The following CD47 variants were observed in gnomAD, a reference collection of about 807,000 sequenced individuals.
CD47 encodes CD47 molecule, also known as leukocyte surface antigen CD47.
In CD47, 11 loss-of-function variants were observed where a neutral mutation model predicts 44.6. The observed-to-expected ratio is 0.25, with a 90% CI of 0.16 to 0.41. CD47 has a LOEUF of 0.41. Ranked by LOEUF, CD47 falls within the 10% of genes least tolerant of loss-of-function variation. The pLI is 1.00. For synonymous variants in CD47, 140 were observed against 136.3 expected (o/e 1.03, Z -0.19); for missense variants, 306 against 386.7 (o/e 0.79, Z 1.75).
Position 108,045,002 on chromosome 3 carries a change from G to GA in CD47, c.*2285dup, listed in dbSNP as rs1329063956. The GA allele has an allele frequency of 6.6e-6, 1 of 152,636 alleles. No individual in the cohort carries two copies. Among genetic ancestry groups the GA allele is most frequent in the Non-Finnish European group, 1.5e-5 (1 of 68,040 alleles). 9.5% of individuals were successfully genotyped at this position (152,636 alleles called of 1,614,324 possible). A position where few individuals can be genotyped will look rare whatever the true frequency, so the allele number is the denominator to read the frequency against. On this transcript the variant is annotated 3_prime_UTR_variant, in exon 11 of 11. Transcript: ENST00000361309. ...AGCCATTACAAATCTGATTTAAAGA[G>GA]AAGGAACTGGCCCAATGATGCCCAA...
chr3:108,070,615 G>A (rs1456931387), intron 3 of CD47, among the ~76,000 whole-genome samples: 4 of 152,146 alleles, frequency 2.6e-5, no homozygotes, highest in African/African-American at 4.8e-5. Flanking sequence ...CGCAGAGGAT[G>A]ACAAAACATA....
chr3:108,071,277 GA>G (rs944701060), intron 2 of CD47, 95 bp from the exon 3 acceptor site: 37 of 577,080 alleles, frequency 6.4e-5, no homozygotes, highest in African/African-American at 5.8e-4. Context: ...TATAGAGATG[GA>G]AAAAAATTAA....
At chr3:108,089,784 A>T (rs976656887) in intron 1 of CD47, among the ~76,000 whole-genome samples, 36 of 152,180 alleles carry the variant, frequency 2.4e-4, no homozygotes, top group African/African-American at 8.7e-4. Flanking sequence ...TAATCAGTTT[A>T]AAATCGAATT....
At chr3:108,082,107 A>C (rs555010796) in intron 1 of CD47, among the ~76,000 whole-genome samples, 5 of 152,004 alleles carry the variant, frequency 3.3e-5, no homozygotes, top group African/African-American at 1.2e-4. Context: ...CAAATTATAA[A>C]GGAAGGAAAG....
chr3:108,053,856 G>C (rs1353988562), intron 7 of CD47: 2 of 152,124 alleles, frequency 1.3e-5, no homozygotes, highest in African/African-American at 2.4e-5. Context: ...AAATGGGTTG[G>C]GATGCACTAC....
At chr3:108,073,000 C>T in intron 2 of CD47, among the ~76,000 whole-genome samples, 1 of 140,632 alleles carries the variant, frequency 7.1e-6, no homozygotes, top group East Asian at 2.3e-4. Context: ...ATCACCCCAT[C>T]CCCCACTAAA....
rs758858689 is a variant in CD47 at position 108,080,006 on chromosome 3, G to A, written c.385C>T (p.Leu129=). ...LTREGETIIE[L]KYRVVSWFSP... ...GAAGTCTTACCAACACGATATTTTA[G>A]CTCGATGATCGTTTCACCTTCTCTG... Residue 129 remains leucine (L), a synonymous_variant, in exon 2 of 11, where the codon CTA becomes TTA. Coordinates refer to ENST00000361309, the MANE Select transcript of CD47 (RefSeq NM_001777.4). 6.2e-6 allele frequency: 10 copies of A among 1,606,288 alleles called. No individual in the cohort carries two copies. The South Asian group carries it at 9.9e-5, about 16-fold the overall frequency.
At chr3:108,082,863 A>C (rs1032561344) in intron 1 of CD47, among the ~76,000 whole-genome samples, 1 of 152,060 alleles carries the variant, frequency 6.6e-6, no homozygotes, top group Non-Finnish European at 1.5e-5. Flanking sequence ...ATTGACCTGG[A>C]TAAACCACAA....
At chr3:108,060,462 C>T (rs375044577) in intron 4 of CD47, among the ~76,000 whole-genome samples, 5 of 152,178 alleles carry the variant, frequency 3.3e-5, no homozygotes, top group East Asian at 1.9e-4. Context: ...GTTATGCTGC[C>T]GCAAACTAAG....
intron 4 of CD47, among the ~76,000 whole-genome samples, chr3:108,059,933 T>A (rs559924028): frequency 6.6e-6 from 1 of 152,198 alleles, no homozygotes; most frequent in African/African-American, 2.4e-5. Context: ...CAGATACCAA[T>A]AGAGCTGCCA....
At chr3:108,075,445 T>A (rs1166228316) in intron 2 of CD47, among the ~76,000 whole-genome samples, 4 of 150,950 alleles carry the variant, frequency 2.6e-5, no homozygotes, top group African/African-American at 9.7e-5. Context: ...AACACCAGGT[T>A]ACACACACAC....
At chr3:108,051,658 T>C in intron 8 of CD47, 1 of 559,902 alleles carries the variant, frequency 1.8e-6, no homozygotes, top group South Asian at 1.4e-5. Flanking sequence ...TTCCTTCTGA[T>C]TGCAGAGATA....
At chr3:108,074,961 T>C (rs2079283041) in intron 2 of CD47, among the ~76,000 whole-genome samples, 1 of 152,234 alleles carries the variant, frequency 6.6e-6, no homozygotes, top group Non-Finnish European at 1.5e-5. Flanking sequence ...TGATTTGTTA[T>C]GGTAGTACTG....
At chr3:108,054,544 C>CATAT (rs201132464) in intron 7 of CD47, 1 of 151,942 alleles carries the variant, frequency 6.6e-6, no homozygotes, top group African/African-American at 2.4e-5. Flanking sequence ...CATTGACAGC[C>CATAT]ATATATATAT....
intron 3 of CD47, among the ~76,000 whole-genome samples, chr3:108,070,441 T>C (rs1209352874): frequency 6.6e-6 from 1 of 152,234 alleles, no homozygotes; most frequent in Non-Finnish European, 1.5e-5. Context: ...CCGTAATGCA[T>C]ATTACCTATT....
intron 4 of CD47, among the ~76,000 whole-genome samples, chr3:108,060,537 T>A (rs1041481950): frequency 6.6e-6 from 1 of 152,186 alleles, no homozygotes; most frequent in Non-Finnish European, 1.5e-5. Context: ...AATGGATTCT[T>A]CCATACAGCC....
intron 1 of CD47, among the ~76,000 whole-genome samples, chr3:108,083,430 A>T: frequency 6.6e-6 from 1 of 152,076 alleles, no homozygotes; most frequent in East Asian, 1.9e-4. Context: ...ACATTTGTCA[A>T]GAATTACCTG....
At chr3:108,070,019 C>G (rs895077936) in intron 3 of CD47, among the ~76,000 whole-genome samples, 1 of 152,032 alleles carries the variant, frequency 6.6e-6, no homozygotes, top group Non-Finnish European at 1.5e-5. Context: ...TCCTTTCAGA[C>G]AAAAGTTGAG....
intron 1 of CD47, among the ~76,000 whole-genome samples, chr3:108,090,480 G>C (rs1039520011): frequency 6.6e-5 from 10 of 152,160 alleles, no homozygotes; most frequent in African/African-American, 2.4e-4. Flanking sequence ...GAAGGGAGAG[G>C]GGTGCGAAAG....
Sources: allele counts gnomAD v4.1 joint callset (sites outside exome capture counted in the v4.1 genomes callset), GRCh38; gene constraint gnomAD v4.1.1; transcripts MANE v1.5; gene names NCBI Gene and HGNC (gene_info 2026-07-23, HGNC 2026-07-21).